Variants in SAR1A observed in about 807,000 individuals in gnomAD.
SAR1A encodes the protein small COPII coat GTPase SAR1A.
Under a neutral mutation model 22.6 loss-of-function variants are expected in SAR1A, and 6 were observed. The observed-to-expected ratio is 0.27, with a 90% CI of 0.15 to 0.52. SAR1A has a LOEUF of 0.52. Among genes scored for constraint, SAR1A ranks in the 20% least tolerant of loss-of-function variants. SAR1A has a pLI of 0.96. For synonymous variants in SAR1A, 70 were observed against 82.2 expected, an observed-to-expected ratio of 0.85 and a Z score of 0.80; for missense variants, 145 against 245.1, an observed-to-expected ratio of 0.59 and a Z score of 2.73.
At chr10:70,166,021 C>T (rs1156988776) in intron 1 of SAR1A, among the ~76,000 whole-genome samples, 2 of 152,212 alleles carry the variant, frequency 1.3e-5, no homozygotes, top group African/African-American at 4.8e-5. Flanking sequence ...GGTTATGACT[C>T]GCAGAAGGCT....
chr10:70,153,598 G>C (rs1175989682), intron 6 of SAR1A, among the ~76,000 whole-genome samples: 1 of 152,142 alleles, frequency 6.6e-6, no homozygotes, highest in East Asian at 1.9e-4. Flanking sequence ...TAAACTCTTA[G>C]AAGAGTAAAT....
intron 5 of SAR1A, among the ~76,000 whole-genome samples, chr10:70,155,772 A>T (rs1444928856): frequency 6.6e-6 from 1 of 152,222 alleles, no homozygotes; most frequent in East Asian, 1.9e-4. Flanking sequence ...GGAGAGGTAC[A>T]GGTGAAAAAG....
At position 70,152,377 on chromosome 10, in the gene SAR1A, T is replaced by A. The variant is rs562753648; in HGVS notation, c.*99A>T. On this transcript the variant is annotated 3_prime_UTR_variant, in exon 7 of 7. Transcript: ENST00000373241. ...CTTGGCTTCTCAACGCCAGACATGG[T>A]TGGAGAGCTTTCCTTGTTCTATTAG... The A allele has an allele frequency of 9.6e-7, 1 of 1,036,762 alleles. No homozygotes were observed. Among genetic ancestry groups the A allele is most frequent in the Admixed American group, 1.8e-5 (1 of 57,038 alleles). The allele number at this position is 1,036,762 out of a possible 1,614,324, so 64.2% of individuals were successfully genotyped here. A position where few individuals can be genotyped will look rare whatever the true frequency, so the allele number is the denominator to read the frequency against.
chr10:70,155,088 A>G (rs1349136324), intron 5 of SAR1A: 1 of 527,778 alleles, frequency 1.9e-6, no homozygotes, highest in Non-Finnish European at 3.9e-6. Flanking sequence ...GATGACTCAC[A>G]TTAGGGGCCA....
At chr10:70,153,574 T>C (rs912552538) in intron 6 of SAR1A, among the ~76,000 whole-genome samples, 1 of 152,344 alleles carries the variant, frequency 6.6e-6, no homozygotes, top group South Asian at 2.1e-4. Context: ...AGAATCAAAT[T>C]TGAAAGATAA....
chr10:70,157,152 C>G (rs7914895), intron 5 of SAR1A, among the ~76,000 whole-genome samples: 13,642 of 152,160 alleles, frequency 0.09, 1,159 homozygotes, highest in East Asian at 0.22. Flanking sequence ...TGCCTGTAAT[C>G]CCAGCACTTT....
Position 70,161,499 on chromosome 10 carries a change from C to T in SAR1A, c.178+120G>A, listed in dbSNP as rs535126175. ...GAGTGTGTCTTACAGGGAACTTTCTCGTATGAGTTGGCTTTTGGGACTTCA... is the reference window on the plus strand; with the variant it reads ...GAGTGTGTCTTACAGGGAACTTTCTTGTATGAGTTGGCTTTTGGGACTTCA... On this transcript the variant is annotated intron_variant, in intron 3 of 6. Transcript: ENST00000373241. 7.6e-6 allele frequency: 9 copies of T among 1,184,350 alleles called. No homozygotes were observed. The East Asian group carries it at 1.5e-4, about 19-fold the overall frequency. 73.4% of individuals were successfully genotyped at this position (1,184,350 alleles called of 1,614,324 possible).
intron 1 of SAR1A, chr10:70,164,243 G>A (rs111951931): frequency 2.0e-5 from 11 of 555,528 alleles, no homozygotes; most frequent in African/African-American, 9.5e-5. Context: ...ATGCATGTAT[G>A]GTAATCAGGA....
At chr10:70,160,978 A>C (rs1490278944) in intron 4 of SAR1A, 26 bp downstream of exon 4, 1 of 1,569,544 alleles carries the variant, frequency 6.4e-7, no homozygotes, top group Non-Finnish European at 8.7e-7. Flanking sequence ...GTCAATAAAC[A>C]TGCTTTCCAC....
intron 5 of SAR1A, among the ~76,000 whole-genome samples, chr10:70,157,175 C>A (rs755266635): frequency 5.3e-5 from 8 of 152,208 alleles, no homozygotes; most frequent in African/African-American, 1.7e-4. Context: ...GAGGCCAAGG[C>A]GGGTGGATCA....
In SAR1A at chr10:70,148,136, C is replaced by T. The variant is rs1033989934; in HGVS notation, c.*4340G>A. 1.3e-5 allele frequency: 2 copies of T among 152,256 alleles called. No homozygotes were observed. Among genetic ancestry groups the T allele is most frequent in the African/African-American group, 4.8e-5 (2 of 41,460 alleles). 9.4% of individuals were successfully genotyped at this position (152,256 alleles called of 1,614,324 possible). ...CTTGTGATCCGCCCGCCTCGGCCTC[C>T]CAAAGTGCTGGGATTACAGGCGTGA... On this transcript the variant is annotated 3_prime_UTR_variant, in exon 7 of 7. Transcript: ENST00000373241.
intron 6 of SAR1A, among the ~76,000 whole-genome samples, 182 bp downstream of exon 6, chr10:70,153,656 T>G (rs1839353819): frequency 6.6e-6 from 1 of 152,208 alleles, no homozygotes; most frequent in Non-Finnish European, 1.5e-5. Flanking sequence ...GATGAATGAA[T>G]CCCATTTAAA....
intron 5 of SAR1A, among the ~76,000 whole-genome samples, 200 bp from the exon 6 acceptor site, chr10:70,154,169 T>C (rs1196730888): frequency 3.9e-5 from 6 of 152,186 alleles, no homozygotes; most frequent in Admixed American, 2.6e-4. Flanking sequence ...AGTAAAAATC[T>C]CCTAAGTGCC....
chr10:70,164,331 T>C (rs188418151), intron 1 of SAR1A, among the ~76,000 whole-genome samples: 139 of 152,364 alleles, frequency 9.1e-4, no homozygotes, highest in African/African-American at 3.2e-3. Context: ...AGTAACATGT[T>C]GCCTGTGGCT....
At chr10:70,162,047 A>C (rs953432066) in intron 1 of SAR1A, 116 bp from the exon 2 acceptor site, 33 of 765,012 alleles carry the variant, frequency 4.3e-5, no homozygotes, top group East Asian at 2.0e-4. Context: ...GTTTTCGGGA[A>C]TAAGAAAGCA....
chr10:70,158,374 C>G (rs751949280), intron 4 of SAR1A, among the ~76,000 whole-genome samples: 1 of 152,192 alleles, frequency 6.6e-6, no homozygotes, highest in Non-Finnish European at 1.5e-5. Flanking sequence ...TGTGTGTAGG[C>G]GTCTTGACAC....
rs1839450942 is a variant in SAR1A, at chr10:70,160,220, G to C, written c.244+784C>G. Among the ~76,000 whole-genome samples the C allele has an allele frequency of 1.3e-4, 19 of 151,756 alleles. No individual in the cohort carries two copies. In the South Asian group the frequency reaches 3.7e-3, roughly 30 times the overall value. On this transcript the variant is annotated intron_variant, in intron 4 of 6. Transcript: ENST00000373241. ...CTGACCAAAAAAAAAAGGAAATACA[G>C]AGTGGATAAAAATAAAACTTCCTGG...
At chr10:70,161,127 T>C (rs1448920466) in intron 3 of SAR1A, 58 bp from the exon 4 acceptor site, 8 of 1,230,352 alleles carry the variant, frequency 6.5e-6, no homozygotes, top group Middle Eastern at 1.9e-4. Flanking sequence ...CCCCAACTAC[T>C]AGTACTATAA....
At position 70,157,876 on chromosome 10, in the gene SAR1A, C is replaced by T. The variant is rs1564569929; in HGVS notation, c.245-9G>A. 1 of 1,597,094 alleles carries T rather than the reference C, an allele frequency of 6.3e-7. No homozygotes were observed. The highest frequency in any genetic ancestry group is 1.7e-4 in the Middle Eastern group (1 of 5,870). On this transcript the variant is annotated splice_polypyrimidine_tract_variant and intron_variant, in intron 4 of 6. Coordinates refer to ENST00000373241, the MANE Select transcript of SAR1A (RefSeq NM_020150.5). ...TTTCCAAACGCGACGTGCTAAAAAA[C>T]AAAGTTTGTAGTTGCATGAGTAAAA...
Sources: allele counts gnomAD v4.1 joint callset (sites outside exome capture counted in the v4.1 genomes callset), GRCh38; gene constraint gnomAD v4.1.1; transcripts MANE v1.5; gene names NCBI Gene and HGNC (gene_info 2026-07-23, HGNC 2026-07-21).